The following CDH13 variants were observed in gnomAD, a reference collection of about 807,000 sequenced individuals.
CDH13 encodes cadherin 13.
In CDH13, 24 loss-of-function variants were observed where a neutral mutation model predicts 63.8. The ratio of observed to expected loss-of-function variants is 0.38; its 90% confidence interval spans 0.27 to 0.53. CDH13 has a LOEUF of 0.53. Among genes scored for constraint, CDH13 ranks in the 20% least tolerant of loss-of-function variants. CDH13 has a pLI of 0.85. For missense variants in CDH13, 1,049 were observed against 903.1 expected (o/e 1.16, Z -2.07); for synonymous variants, 503 against 355.3 (o/e 1.42, Z -4.67).
chr16:83,353,112 A>C (rs1455119948), intron 6 of CDH13, among the ~76,000 whole-genome samples: 1 of 152,258 alleles, frequency 6.6e-6, no homozygotes, highest in Non-Finnish European at 1.5e-5. Context: ...GAAATTGCTT[A>C]ATGAGTACAA....
intron 2 of CDH13, among the ~76,000 whole-genome samples, chr16:83,019,686 G>T (rs1915158087): frequency 6.6e-6 from 1 of 151,124 alleles, no homozygotes; most frequent in Non-Finnish European, 1.5e-5. Context: ...TGTAGATATG[G>T]AGTCTTGCCA....
At chr16:83,044,786 T>C (rs1230218626) in intron 3 of CDH13, among the ~76,000 whole-genome samples, 1 of 152,144 alleles carries the variant, frequency 6.6e-6, no homozygotes. Flanking sequence ...AGTGCGGCCA[T>C]CCACAGGCTT....
intron 5 of CDH13, among the ~76,000 whole-genome samples, chr16:83,250,144 T>G (rs1285698894): frequency 1.3e-5 from 2 of 152,154 alleles, no homozygotes; most frequent in South Asian, 2.1e-4. Flanking sequence ...ATGTTTAAAA[T>G]AAAACAATTT....
chr16:83,104,105 C>T (rs1021879636), intron 3 of CDH13, among the ~76,000 whole-genome samples: 3 of 152,092 alleles, frequency 2.0e-5, no homozygotes, highest in Admixed American at 6.5e-5. Context: ...GAGTATTACA[C>T]GACCATTGAA....
chr16:82,922,713 T>TA (rs2042193529), intron 2 of CDH13, among the ~76,000 whole-genome samples: 1 of 152,160 alleles, frequency 6.6e-6, no homozygotes, highest in African/African-American at 2.4e-5. Context: ...TTCTGTTGAC[T>TA]AGACCTAAGG....
At chr16:83,546,241 C>G (rs927204144) in intron 7 of CDH13, among the ~76,000 whole-genome samples, 3 of 152,264 alleles carry the variant, frequency 2.0e-5, no homozygotes, top group African/African-American at 7.2e-5. Flanking sequence ...CTTCCCTTCT[C>G]AGAGGCTCTG....
chr16:82,841,081 G>A (rs2038989705), intron 1 of CDH13, among the ~76,000 whole-genome samples: 1 of 152,236 alleles, frequency 6.6e-6, no homozygotes, highest in Non-Finnish European at 1.5e-5. Context: ...TGGGATGCAT[G>A]GCCTGTGGAC....
chr16:83,012,855 A>T (rs762275561), intron 2 of CDH13, among the ~76,000 whole-genome samples: 34 of 152,234 alleles, frequency 2.2e-4, no homozygotes, highest in Non-Finnish European at 7.3e-5. Flanking sequence ...TTGAGAATTT[A>T]TTTTAAATGG....
intron 5 of CDH13, among the ~76,000 whole-genome samples, chr16:83,233,033 G>A (rs577366338): frequency 8.5e-5 from 13 of 152,164 alleles, no homozygotes; most frequent in Non-Finnish European, 1.8e-4. Flanking sequence ...CATTTTCATG[G>A]AGGTCAGTGT....
At chr16:83,753,865 T>A (rs1401935103) in intron 11 of CDH13, among the ~76,000 whole-genome samples, 2 of 151,632 alleles carry the variant, frequency 1.3e-5, no homozygotes, top group African/African-American at 4.9e-5. Context: ...AAATCTTAAT[T>A]GTAAAGGAAT....
intron 2 of CDH13, among the ~76,000 whole-genome samples, chr16:82,929,667 A>C (rs1227606595): frequency 6.9e-6 from 1 of 145,578 alleles, no homozygotes; most frequent in Non-Finnish European, 1.5e-5. Context: ...AAAAAAAAAA[A>C]AAAAAAAAAA....
chr16:83,601,089 A>G (rs7204178), intron 7 of CDH13, among the ~76,000 whole-genome samples: 22,045 of 152,082 alleles, frequency 0.14, 2,825 homozygotes, highest in African/African-American at 0.34. Flanking sequence ...AATAAGATGC[A>G]CTGACTGACT....
chr16:83,551,114 C>T (rs1388182321), intron 7 of CDH13, among the ~76,000 whole-genome samples: 1 of 147,492 alleles, frequency 6.8e-6, no homozygotes, highest in Non-Finnish European at 1.5e-5. Flanking sequence ...CAGCTTCTCA[C>T]TCCATCATCC....
chr16:82,627,889 T>A (rs1907536175), intron 1 of CDH13, among the ~76,000 whole-genome samples: 1 of 152,248 alleles, frequency 6.6e-6, no homozygotes, highest in Non-Finnish European at 1.5e-5. Context: ...CTGCCGCCTC[T>A]GCTGCCTTCC....
At chr16:82,860,662 G>A (rs1421899019) in intron 2 of CDH13, among the ~76,000 whole-genome samples, 2 of 151,730 alleles carry the variant, frequency 1.3e-5, no homozygotes, top group East Asian at 3.9e-4. Context: ...AAAATCCAAA[G>A]CAGATCTGGT....
At chr16:83,012,035 C>G (rs77738362) in intron 2 of CDH13, among the ~76,000 whole-genome samples, 4,643 of 152,102 alleles carry the variant, frequency 0.031, 102 homozygotes, top group Non-Finnish European at 0.045. Context: ...TTTCCCCAGC[C>G]CAGGACTAGG....
At chr16:83,658,657 A>G (rs1259605154) in intron 8 of CDH13, among the ~76,000 whole-genome samples, 34 of 139,752 alleles carry the variant, frequency 2.4e-4, no homozygotes, top group South Asian at 7.3e-4. Context: ...ACCAGGTCCC[A>G]TATCCTCACC....
chr16:83,168,785 TCTG>T (rs2037798700), intron 4 of CDH13, among the ~76,000 whole-genome samples: 1 of 152,170 alleles, frequency 6.6e-6, no homozygotes, highest in African/African-American at 2.4e-5. Context: ...CAAATTGTAT[TCTG>T]CTTTTTAAAA....
chr16:82,981,288 A>G (rs949309283), intron 2 of CDH13, among the ~76,000 whole-genome samples: 1 of 152,146 alleles, frequency 6.6e-6, no homozygotes, highest in Non-Finnish European at 1.5e-5. Context: ...GTATTCCCTC[A>G]AGAATGCTCA....
Sources: allele counts gnomAD v4.1 joint callset (sites outside exome capture counted in the v4.1 genomes callset), GRCh38; gene constraint gnomAD v4.1.1; transcripts MANE v1.5; gene names NCBI Gene and HGNC (gene_info 2026-07-23, HGNC 2026-07-21).